OLFM3: variants seen among roughly 807,000 people sequenced by gnomAD.
The protein encoded by OLFM3 is noelin-3.
OLFM3 carries 20 observed loss-of-function variants against 48.6 expected under a neutral mutation model. The ratio of observed to expected loss-of-function variants is 0.41; its 90% CI spans 0.29 to 0.60. The LOEUF (loss-of-function observed/expected upper bound fraction) is 0.60, where lower values mean the gene tolerates loss of function less well. Ranked by LOEUF, OLFM3 falls within the 20% of genes least tolerant of loss-of-function variation. The pLI is 0.28. For synonymous variants in OLFM3, 222 were observed against 198.1 expected (o/e 1.12, Z -1.01); for missense variants, 437 against 544.3 (o/e 0.80, Z 1.96).
chr1:101,937,412 C>T (rs1336156269), intron 1 of OLFM3, among the ~76,000 whole-genome samples: 3 of 152,178 alleles, frequency 2.0e-5, no homozygotes, highest in African/African-American at 7.2e-5. Flanking sequence ...TGTGTCCCAA[C>T]CTAAATCTCG....
At chr1:101,864,462 T>C (rs1656780507) in intron 1 of OLFM3, among the ~76,000 whole-genome samples, 2 of 152,196 alleles carry the variant, frequency 1.3e-5, no homozygotes, top group South Asian at 4.1e-4. Flanking sequence ...GTTAAGACCC[T>C]AAACAGTATT....
intron 1 of OLFM3, among the ~76,000 whole-genome samples, chr1:101,913,997 A>G (rs1274482757): frequency 1.3e-5 from 2 of 152,222 alleles, no homozygotes; most frequent in Non-Finnish European, 2.9e-5. Context: ...TTGAGGCACA[A>G]AACTACAAAT....
intron 1 of OLFM3, among the ~76,000 whole-genome samples, chr1:101,873,122 T>C (rs2211295): frequency 0.17 from 26,530 of 151,828 alleles, 2,987 homozygotes; most frequent in Non-Finnish European, 0.26. Flanking sequence ...TACCTTAATA[T>C]GAATAAACAT....
intron 1 of OLFM3, among the ~76,000 whole-genome samples, chr1:101,891,652 A>G (rs534756438): frequency 6.6e-6 from 1 of 151,924 alleles, no homozygotes; most frequent in African/African-American, 2.4e-5. Flanking sequence ...TATGCATTAG[A>G]TTATCTACAG....
chr1:101,883,515 C>T (rs1026545670), intron 1 of OLFM3, among the ~76,000 whole-genome samples: 20 of 151,792 alleles, frequency 1.3e-4, no homozygotes, highest in South Asian at 4.2e-4. Context: ...TTTCAGAATC[C>T]GTTCCTTCCT....
At chr1:101,975,387 G>C (rs1660924849) in intron 1 of OLFM3, among the ~76,000 whole-genome samples, 1 of 152,168 alleles carries the variant, frequency 6.6e-6, no homozygotes, top group Non-Finnish European at 1.5e-5. Flanking sequence ...ACATCCTGTG[G>C]ACATTAGATA....
intron 1 of OLFM3, among the ~76,000 whole-genome samples, chr1:101,904,021 T>C (rs1419428072): frequency 6.6e-6 from 1 of 152,090 alleles, no homozygotes; most frequent in Non-Finnish European, 1.5e-5. Flanking sequence ...AAGTATCCCT[T>C]TATTTCAACA....
intron 4 of OLFM3, chr1:101,812,948 A>G (rs916498192): frequency 3.9e-6 from 4 of 1,014,856 alleles, no homozygotes; most frequent in African/African-American, 3.5e-5. Flanking sequence ...AATAGTTACT[A>G]TTTAAAGATA....
intron 4 of OLFM3, among the ~76,000 whole-genome samples, chr1:101,808,264 A>G (rs2100863657): frequency 6.6e-6 from 1 of 151,832 alleles, no homozygotes; most frequent in Non-Finnish European, 1.5e-5. Flanking sequence ...ACATGAGGGG[A>G]AAAAAACAAA....
chr1:101,808,554 C>A (rs760674289), intron 4 of OLFM3, among the ~76,000 whole-genome samples: 13 of 151,784 alleles, frequency 8.6e-5, no homozygotes, highest in Non-Finnish European at 1.6e-4. Context: ...TTGATTACAT[C>A]TTCATCTGTA....
intron 1 of OLFM3, among the ~76,000 whole-genome samples, chr1:101,868,204 G>A (rs1473529090): frequency 1.3e-5 from 2 of 152,172 alleles, no homozygotes; most frequent in South Asian, 2.1e-4. Flanking sequence ...TACTCAAAAT[G>A]TGGAAGCAAC....
intron 1 of OLFM3, among the ~76,000 whole-genome samples, chr1:101,920,234 A>T (rs1659052539): frequency 6.6e-6 from 1 of 152,148 alleles, no homozygotes; most frequent in South Asian, 2.1e-4. Flanking sequence ...CCTGTGCACA[A>T]CCTTATACAA....
At chr1:101,952,529 A>T (rs1660173569) in intron 1 of OLFM3, among the ~76,000 whole-genome samples, 1 of 152,054 alleles carries the variant, frequency 6.6e-6, no homozygotes, top group African/African-American at 2.4e-5. Context: ...AGAAAAAGAG[A>T]TGTAGTATTA....
intron 1 of OLFM3, among the ~76,000 whole-genome samples, chr1:101,889,735 A>T (rs1657915216): frequency 6.6e-6 from 1 of 152,166 alleles, no homozygotes; most frequent in Non-Finnish European, 1.5e-5. Flanking sequence ...CATATATAAA[A>T]ATGTACATAA....
intron 1 of OLFM3, among the ~76,000 whole-genome samples, chr1:101,993,372 A>C (rs1661469412): frequency 6.6e-6 from 1 of 152,050 alleles, no homozygotes; most frequent in African/African-American, 2.4e-5. Context: ...CCTTCAGTTT[A>C]AAAGCACAGA....
At chr1:101,873,506 C>A (rs1369048183) in intron 1 of OLFM3, among the ~76,000 whole-genome samples, 3 of 151,650 alleles carry the variant, frequency 2.0e-5, no homozygotes, top group Non-Finnish European at 1.5e-5. Flanking sequence ...ATACAGCAAC[C>A]CTGTAAGGCC....
chr1:101,829,445 G>T (rs149203733), intron 3 of OLFM3, among the ~76,000 whole-genome samples: 45 of 152,032 alleles, frequency 3.0e-4, no homozygotes, highest in African/African-American at 8.7e-4. Flanking sequence ...CTTTGTGACC[G>T]TCTGGGTAAA....
intron 1 of OLFM3, among the ~76,000 whole-genome samples, chr1:101,980,602 C>A (rs1469214693): frequency 1.3e-5 from 2 of 152,202 alleles, no homozygotes; most frequent in East Asian, 3.9e-4. Context: ...CAATGCGGAA[C>A]TGTGAGTCAA....
intron 1 of OLFM3, among the ~76,000 whole-genome samples, chr1:101,851,852 T>A (rs1557702623): frequency 6.6e-6 from 1 of 152,136 alleles, no homozygotes; most frequent in Admixed American, 6.6e-5. Flanking sequence ...TTTTGGACAA[T>A]CATGCATAAG....
Sources: gnomAD v4.1 joint callset for allele counts (sites outside exome capture counted in the v4.1 genomes callset) on GRCh38, gnomAD v4.1.1 for gene constraint, MANE v1.5 for transcripts, NCBI Gene and HGNC (gene_info 2026-07-23, HGNC 2026-07-21) for gene names.